STON2: variants seen among roughly 807,000 people sequenced by gnomAD.
STON2 encodes the protein stonin-2.
Under a neutral mutation model 65.7 loss-of-function variants are expected in STON2, and 29 were observed. The observed-to-expected ratio is 0.44, with a 90% CI of 0.33 to 0.60. The LOEUF is 0.60. Among genes scored for constraint, STON2 ranks in the 20% least tolerant of loss-of-function variants. The probability of loss-of-function intolerance (pLI) is 0.03; values close to 1 mark genes in which losing one functional copy is unlikely to be tolerated. For missense variants in STON2, 1,054 were observed against 1,118.1 expected (o/e 0.94, Z 0.82); for synonymous variants, 404 against 414.2 (o/e 0.98, Z 0.30).
intron 5 of STON2, among the ~76,000 whole-genome samples, chr14:81,291,650 T>C (rs973529451): frequency 6.6e-6 from 1 of 152,134 alleles, no homozygotes; most frequent in African/African-American, 2.4e-5. Flanking sequence ...CCTAGTATGT[T>C]TGTATGTTTA....
chr14:81,269,535 G>A (rs960620412), intron 7 of STON2: 3 of 985,232 alleles, frequency 3.0e-6, no homozygotes, highest in Non-Finnish European at 2.4e-6. Flanking sequence ...TATTTATGAC[G>A]CTTGACCTAC....
intron 7 of STON2, among the ~76,000 whole-genome samples, chr14:81,268,931 G>A (rs150705449): frequency 1.3e-5 from 2 of 152,112 alleles, no homozygotes; most frequent in East Asian, 1.9e-4. Context: ...GAATACAGTG[G>A]GCAATCGACA....
Position 81,276,945 on chromosome 14 carries a change from T to G in STON2, c.2537A>C (p.Asn846Thr). 1 of 1,614,014 alleles carries G rather than the reference T, an allele frequency of 6.2e-7. No individual in the cohort carries two copies. The change falls in exon 6 of 8, where the codon AAC becomes ACC. Residue 846 changes from asparagine to threonine, a missense_variant. Physicochemically the swap from Asn to Thr is moderately conservative, Grantham distance 65. Coordinates refer to ENST00000614646, the MANE Select transcript of STON2 (RefSeq NM_001394390.1). ...TCGGTTTATCCTCCACACAATGGAG[T>G]TGAAGGCATGCTCGTACTTGGCAGT... ...LGTAKYEHAF[N>T]SIVWRINRLP...
intron 4 of STON2, among the ~76,000 whole-genome samples, chr14:81,348,873 CAG>C (rs1491364088): frequency 1.3e-5 from 2 of 151,768 alleles, no homozygotes; most frequent in African/African-American, 4.8e-5. Context: ...AGTGACTAAA[CAG>C]CATGGTAATG....
intron 1 of STON2, chr14:81,436,231 G>GCCCCCGCCCCCGC (rs1428669227): frequency 1.3e-5 from 2 of 150,692 alleles, no homozygotes; most frequent in East Asian, 2.0e-4. Flanking sequence ...GCCCGCCCCC[G>GCCCCCGCCCCCGC]CCCCCGCCCC....
intron 5 of STON2, among the ~76,000 whole-genome samples, chr14:81,298,508 C>T (rs1254187233): frequency 6.6e-6 from 1 of 152,104 alleles, no homozygotes; most frequent in Non-Finnish European, 1.5e-5. Flanking sequence ...TGTTGCAAGT[C>T]ATTAAATTCC....
rs183017458 is a variant in STON2 at position 81,261,185 on chromosome 14, T to C, written c.*7229A>G. On this transcript the variant is annotated 3_prime_UTR_variant, in exon 8 of 8. Coordinates refer to ENST00000614646, the MANE Select transcript of STON2 (RefSeq NM_001394390.1). ...CAACAATTTGCTGTTGGGACCTGAC[T>C]ATACATCTGCTTTCCCACAATGCTC... 2.0e-5 allele frequency: 3 copies of C among 152,412 alleles called. No homozygotes were observed. Among genetic ancestry groups the C allele is most frequent in the Admixed American group, 2.0e-4 (3 of 15,302 alleles). 9.4% of individuals were successfully genotyped at this position (152,412 alleles called of 1,614,324 possible).
chr14:81,272,091 G>A (rs991788997), intron 6 of STON2, among the ~76,000 whole-genome samples: 3 of 152,184 alleles, frequency 2.0e-5, no homozygotes, highest in Middle Eastern at 6.8e-3. Context: ...GCGTGGTGGC[G>A]GGCGCCTGTA....
chr14:81,262,391 A>C lies in STON2; in HGVS notation c.*6023T>G. On this transcript the variant is annotated 3_prime_UTR_variant, in exon 8 of 8. Coordinates refer to ENST00000614646, the MANE Select transcript of STON2 (RefSeq NM_001394390.1). Reference sequence around the variant, plus strand: ...ACCTGACCAGAGTAGACATTTGATAAATATTTGTTGAGTTGAATTAATCCT... The same window carrying C: ...ACCTGACCAGAGTAGACATTTGATACATATTTGTTGAGTTGAATTAATCCT... 1.0e-6 allele frequency: 1 copy of C among 985,306 alleles called. No individual in the cohort carries two copies. Among genetic ancestry groups the C allele is most frequent in the African/African-American group, 1.7e-5 (1 of 57,366 alleles). 61.0% of individuals were successfully genotyped at this position (985,306 alleles called of 1,614,324 possible).
At chr14:81,428,395 A>C (rs1777667037) in intron 1 of STON2, among the ~76,000 whole-genome samples, 1 of 152,226 alleles carries the variant, frequency 6.6e-6, no homozygotes, top group Admixed American at 6.5e-5. Flanking sequence ...TTATCCACTT[A>C]ACCATGGCAT....
At chr14:81,352,220 A>G (rs1228226588) in intron 4 of STON2, among the ~76,000 whole-genome samples, 1 of 152,162 alleles carries the variant, frequency 6.6e-6, no homozygotes, top group East Asian at 1.9e-4. Flanking sequence ...ACAGCCAAGA[A>G]CTACCATTAT....
chr14:81,281,010 C>CA (rs796161809), intron 5 of STON2, among the ~76,000 whole-genome samples: 6,919 of 62,596 alleles, frequency 0.11, 584 homozygotes, highest in African/African-American at 0.31. Flanking sequence ...AACTCCGTCT[C>CA]AAAAAAAAAA....
chr14:81,298,841 C>G (rs893641095), intron 5 of STON2, among the ~76,000 whole-genome samples: 1 of 152,130 alleles, frequency 6.6e-6, no homozygotes, highest in Non-Finnish European at 1.5e-5. Flanking sequence ...TTTAGAAAGA[C>G]TTGGTAGAAA....
upstream of STON2, among the ~76,000 whole-genome samples, chr14:81,402,798 G>A (rs970843506): frequency 4.6e-5 from 7 of 152,128 alleles, no homozygotes; most frequent in Non-Finnish European, 8.8e-5. Flanking sequence ...CCTGCCTTCA[G>A]TATCACCTGC....
At chr14:81,299,256 G>A (rs72699797) in intron 5 of STON2, among the ~76,000 whole-genome samples, 2,909 of 152,286 alleles carry the variant, frequency 0.019, 38 homozygotes, top group Middle Eastern at 0.048. Flanking sequence ...AAACATATAT[G>A]TGAGACTATC....
Position 81,278,242 on chromosome 14 carries a change from C to A in STON2, c.1240G>T (p.Asp414Tyr), listed in dbSNP as rs760882138. ...ISSTTGKSQR[D>Y]SLIVIYQDAI... The stretch of plus-strand genomic sequence containing the variant: ...TCCTGGTAGATGACAATGAGGGAAT[C>A]TCTTTGGCTTTTGCCCGTGGTACTG... The change falls in exon 6 of 8, where the codon GAT (aspartate) becomes TAT (tyrosine). Residue 414 changes from aspartate to tyrosine, a missense_variant. Asp to Tyr is a radical substitution (Grantham distance 160). Transcript: ENST00000614646. The A allele has an allele frequency of 4.0e-5, 65 of 1,614,140 alleles. No homozygotes were observed. The Middle Eastern group carries it at 4.3e-3, about 107-fold the overall frequency.
chr14:81,296,307 A>T (rs1895759366), intron 5 of STON2, among the ~76,000 whole-genome samples: 1 of 152,252 alleles, frequency 6.6e-6, no homozygotes, highest in African/African-American at 2.4e-5. Flanking sequence ...ATCAATGCTG[A>T]TGATTTGTTT....
At chr14:81,367,145 A>G (rs1898772970) in intron 4 of STON2, among the ~76,000 whole-genome samples, 1 of 151,844 alleles carries the variant, frequency 6.6e-6, no homozygotes, top group Admixed American at 6.6e-5. Flanking sequence ...GATATCCTTG[A>G]AGCTCTCGAT....
intron 4 of STON2, among the ~76,000 whole-genome samples, chr14:81,327,360 G>T (rs967687883): frequency 6.6e-6 from 1 of 151,644 alleles, no homozygotes; most frequent in Admixed American, 6.6e-5. Context: ...GAAGAACCTG[G>T]TTCTTTGCCA....
Sources: gnomAD v4.1 joint callset for allele counts (sites outside exome capture counted in the v4.1 genomes callset) on GRCh38, gnomAD v4.1.1 for gene constraint, MANE v1.5 for transcripts, NCBI Gene and HGNC (gene_info 2026-07-23, HGNC 2026-07-21) for gene names.